The following EML1 variants were observed in gnomAD, a reference collection of about 807,000 sequenced individuals.
The protein encoded by EML1 is EMAP like 1.
A neutral mutation model predicts 110.4 loss-of-function variants in EML1; 27 were observed. That is an observed-to-expected ratio of 0.24 (90% confidence interval 0.18 to 0.34). The LOEUF (loss-of-function observed/expected upper bound fraction) is 0.34. Ranked by LOEUF, EML1 falls within the 10% of genes least tolerant of loss-of-function variation. EML1 has a pLI of 1.00. For missense variants in EML1, 741 were observed against 1,030.9 expected (o/e 0.72, Z 3.85); for synonymous variants, 344 against 385.8 (o/e 0.89, Z 1.27).
chr14:99,937,131 G>A (rs1315182171), intron 19 of EML1, among the ~76,000 whole-genome samples: 1 of 152,210 alleles, frequency 6.6e-6, no homozygotes, highest in Non-Finnish European at 1.5e-5. Context: ...TCACTTGAGC[G>A]TCCCCACTTG....
intron 17 of EML1, among the ~76,000 whole-genome samples, chr14:99,923,591 A>G: frequency 6.6e-6 from 1 of 152,234 alleles, no homozygotes; most frequent in African/African-American, 2.4e-5. Context: ...TTTGTCAAAA[A>G]TCAATCGATC....
At position 99,915,983 on chromosome 14, in the gene EML1, G is replaced by T. The variant is rs549353468; in HGVS notation, c.1752+1286G>T. 4.6e-5 allele frequency among the ~76,000 whole-genome samples: 7 copies of T among 152,364 alleles called. No individual in the cohort carries two copies. The South Asian group carries it at 8.3e-4, about 18-fold the overall frequency. On this transcript the variant is annotated intron_variant, in intron 15 of 21. Coordinates refer to ENST00000262233, the MANE Select transcript of EML1 (RefSeq NM_004434.3). ...AGCCGTGAGGTGGAAGGGCCCAAGG[G>T]GCAGGCACTGCCACTCAGAGAGCAG...
At chr14:99,768,623 C>T (rs553988883), upstream of EML1, among the ~76,000 whole-genome samples, 8 of 151,808 alleles carry the variant, frequency 5.3e-5, no homozygotes, top group East Asian at 5.8e-4. Flanking sequence ...CAAAGATGGG[C>T]GGAGCTTCAA....
At chr14:99,862,258 C>T (rs892766830) in intron 2 of EML1, among the ~76,000 whole-genome samples, 4 of 152,174 alleles carry the variant, frequency 2.6e-5, no homozygotes, top group Non-Finnish European at 2.9e-5. Flanking sequence ...CAGCACATCC[C>T]GTCCAAGGGT....
In EML1 at chr14:99,784,923, T is replaced by C. The variant is rs768198776; in HGVS notation, c.-27+10910T>C. ...GCCCCAGGGGCAGACTATTGTGGGGTGTTTGGGAAATGGAAAAGCAGAGGG... is the reference window on the plus strand; with the variant it reads ...GCCCCAGGGGCAGACTATTGTGGGGCGTTTGGGAAATGGAAAAGCAGAGGG... On this transcript the variant is annotated intron_variant, in intron 1 of 22. Coordinates refer to the EML1 transcript ENST00000327921. The surrounding 1 kb of genome is among the most constrained non-coding windows in gnomAD (Gnocchi z 4.5). 6.6e-5 allele frequency among the ~76,000 whole-genome samples: 10 copies of C among 151,834 alleles called. No individual in the cohort carries two copies. The South Asian group carries it at 2.1e-3, about 32-fold the overall frequency.
At chr14:99,870,437 C>G (rs965628650) in intron 3 of EML1, among the ~76,000 whole-genome samples, 2 of 152,222 alleles carry the variant, frequency 1.3e-5, no homozygotes, top group Non-Finnish European at 2.9e-5. Context: ...TGCAGAAGAC[C>G]TAGCTAGCTA....
At chr14:99,846,326 A>C (rs1317763420) in intron 1 of EML1, among the ~76,000 whole-genome samples, 1 of 130,766 alleles carries the variant, frequency 7.6e-6, no homozygotes, top group Non-Finnish European at 1.6e-5. Context: ...TCTGTCACCC[A>C]GGCTGGAGTG....
At chr14:99,742,784 C>T (rs1477758209) in intron 1 of EML1, among the ~76,000 whole-genome samples, 3 of 152,124 alleles carry the variant, frequency 2.0e-5, no homozygotes, top group Admixed American at 6.5e-5. Context: ...CGAGCCTCGG[C>T]GGTCTCATCT....
chr14:99,757,572 C>A (rs898161307), intron 1 of EML1, among the ~76,000 whole-genome samples: 1 of 152,184 alleles, frequency 6.6e-6, no homozygotes, highest in Admixed American at 6.5e-5. Context: ...GATGAGGAAG[C>A]GTGCTGGTTA....
intron 8 of EML1, among the ~76,000 whole-genome samples, chr14:99,899,862 T>G (rs1458240870): frequency 6.6e-6 from 1 of 152,128 alleles, no homozygotes; most frequent in East Asian, 1.9e-4. Flanking sequence ...AAAAATATTA[T>G]AGTTATCTTT....
At chr14:99,828,299 G>A (rs555023247) in intron 1 of EML1, among the ~76,000 whole-genome samples, 41 of 152,146 alleles carry the variant, frequency 2.7e-4, no homozygotes, top group African/African-American at 9.4e-4. Flanking sequence ...ATGCCATTCT[G>A]AGTGGCAGGA....
intron 1 of EML1, among the ~76,000 whole-genome samples, chr14:99,847,495 A>G (rs2058725554): frequency 6.6e-6 from 1 of 152,188 alleles, no homozygotes; most frequent in Non-Finnish European, 1.5e-5. Context: ...GACTACAGGC[A>G]TATGCCACCA....
At chr14:99,889,317 T>A (rs1043612407) in intron 4 of EML1, among the ~76,000 whole-genome samples, 1 of 152,072 alleles carries the variant, frequency 6.6e-6, no homozygotes, top group Non-Finnish European at 1.5e-5. Context: ...GCACAGATCC[T>A]TGGGGCCTGC....
intron 1 of EML1, among the ~76,000 whole-genome samples, chr14:99,751,754 G>A (rs1031591349): frequency 6.6e-6 from 1 of 152,162 alleles, no homozygotes; most frequent in African/African-American, 2.4e-5. Flanking sequence ...TTTCAAGGAA[G>A]AGCAGCAAGG....
At chr14:99,748,227 C>T (rs570248870) in intron 1 of EML1, among the ~76,000 whole-genome samples, 4 of 152,092 alleles carry the variant, frequency 2.6e-5, no homozygotes, top group Non-Finnish European at 4.4e-5. Flanking sequence ...CAGGACAGCC[C>T]CTGCCCGCAG....
At chr14:99,824,303 G>C (rs116332804) in intron 1 of EML1, among the ~76,000 whole-genome samples, 1 of 150,578 alleles carries the variant, frequency 6.6e-6, no homozygotes, top group East Asian at 1.9e-4. Flanking sequence ...TGTGCTAAGC[G>C]TTATTCTCAC....
At chr14:99,814,449 G>A (rs2058133668) in intron 1 of EML1, among the ~76,000 whole-genome samples, 2 of 152,096 alleles carry the variant, frequency 1.3e-5, no homozygotes, top group South Asian at 4.2e-4. Flanking sequence ...AAATTTTGTA[G>A]TGCTGGGATC....
chr14:99,770,754 C>T (rs1459453760), upstream of EML1, among the ~76,000 whole-genome samples: 2 of 148,092 alleles, frequency 1.4e-5, no homozygotes, highest in African/African-American at 5.1e-5. Context: ...CCCTTTCTTA[C>T]TCTTCCTTAC....
intron 1 of EML1, among the ~76,000 whole-genome samples, chr14:99,805,524 G>A (rs930918667): frequency 1.3e-5 from 2 of 151,916 alleles, no homozygotes; most frequent in Non-Finnish European, 2.9e-5. Context: ...GCCCAGGCTG[G>A]AGCGCAGTGA....
Sources: allele counts gnomAD v4.1 joint callset (sites outside exome capture counted in the v4.1 genomes callset), GRCh38; gene constraint gnomAD v4.1.1; non-coding constraint Gnocchi (gnomAD v3.1); transcripts MANE v1.5; gene names NCBI Gene and HGNC (gene_info 2026-07-23, HGNC 2026-07-21).